Variants in GPHN observed in about 807,000 individuals in gnomAD.
The protein encoded by GPHN is gephyrin.
Under a neutral mutation model 95.5 loss-of-function variants are expected in GPHN, and 17 were observed. The ratio of observed to expected loss-of-function variants is 0.18; its 90% CI spans 0.12 to 0.27. GPHN has a LOEUF of 0.27. GPHN is among the 10% of genes least tolerant of loss of function. The pLI is 1.00. For missense variants in GPHN, 660 were observed against 978.1 expected (o/e 0.67, Z 4.34); for synonymous variants, 320 against 322.5 (o/e 0.99, Z 0.08).
At chr14:66,530,720 C>G (rs2058888829) in intron 1 of GPHN, among the ~76,000 whole-genome samples, 1 of 152,054 alleles carries the variant, frequency 6.6e-6, no homozygotes, top group East Asian at 1.9e-4. Flanking sequence ...TGGGAATTCC[C>G]TGACCCTTTG....
chr14:66,923,087 CTA>C, intron 7 of GPHN, 149 bp downstream of exon 7: 1 of 707,230 alleles, frequency 1.4e-6, no homozygotes, highest in South Asian at 1.5e-5. Context: ...CACTCCACTA[CTA>C]TGTTTCCTTC....
At chr14:67,312,551 T>C in the GPHN span, 1 of 1,596,208 alleles carries the variant, frequency 6.3e-7, no homozygotes, top group Admixed American at 1.7e-5. Context: ...TCATTTTGAC[T>C]ATGACCCCTC....
intron 2 of GPHN, among the ~76,000 whole-genome samples, chr14:66,731,194 G>C (rs1230003236): frequency 6.6e-6 from 1 of 152,186 alleles, no homozygotes; most frequent in Non-Finnish European, 1.5e-5. Context: ...CTTTATAGCA[G>C]TGTGAGAACA....
At chr14:67,279,552 A>G in the GPHN span, 1 of 1,509,546 alleles carries the variant, frequency 6.6e-7, no homozygotes, top group African/African-American at 1.4e-5. Context: ...GTAAAAATAG[A>G]GGTATAACAG....
chr14:67,422,205 T>C, the GPHN span, among the ~76,000 whole-genome samples: 1 of 152,000 alleles, frequency 6.6e-6, no homozygotes, highest in Non-Finnish European at 1.5e-5. Flanking sequence ...TAGGGACCAC[T>C]CCTATAGCTT....
intron 9 of GPHN, among the ~76,000 whole-genome samples, chr14:66,998,642 A>G (rs1435992116): frequency 6.6e-6 from 1 of 151,980 alleles, no homozygotes; most frequent in Non-Finnish European, 1.5e-5. Context: ...CCTTACATTT[A>G]CATCATCATC....
the GPHN span, chr14:67,725,261 T>G: frequency 6.2e-7 from 1 of 1,612,610 alleles, no homozygotes; most frequent in South Asian, 1.1e-5. Context: ...GCAGGTGAGG[T>G]CCTGATGGGT....
the GPHN span, chr14:67,690,850 CT>C: frequency 2.4e-6 from 1 of 412,840 alleles, no homozygotes; most frequent in Admixed American, 4.0e-5. Flanking sequence ...ATACCTGATG[CT>C]GGCCACAAGG....
chr14:67,400,556 A>G, the GPHN span, among the ~76,000 whole-genome samples: 1 of 152,202 alleles, frequency 6.6e-6, no homozygotes, highest in South Asian at 2.1e-4. Flanking sequence ...CACTAGCAGG[A>G]CTGGTCTGGG....
At chr14:67,524,525 A>G in the GPHN span, among the ~76,000 whole-genome samples, 8 of 152,162 alleles carry the variant, frequency 5.3e-5, no homozygotes, top group East Asian at 1.5e-3. Flanking sequence ...TCCCACCCAG[A>G]ACCTCCTGCA....
chr14:67,504,419 C>T, the GPHN span, among the ~76,000 whole-genome samples: 110,662 of 152,076 alleles, frequency 0.73, 42,092 homozygotes, highest in Non-Finnish European at 0.85. Flanking sequence ...TTATAAGCTA[C>T]CAATAAATGT....
intron 4 of GPHN, among the ~76,000 whole-genome samples, chr14:66,843,180 T>C (rs1181434224): frequency 6.6e-6 from 1 of 152,122 alleles, no homozygotes; most frequent in Non-Finnish European, 1.5e-5. Flanking sequence ...TGCTGAATGA[T>C]TTGCATTCTT....
intron 1 of GPHN, among the ~76,000 whole-genome samples, chr14:66,508,892 T>C (rs1327875356): frequency 6.6e-6 from 1 of 152,034 alleles, no homozygotes; most frequent in East Asian, 1.9e-4. Context: ...GCTGCGGGGC[T>C]CCGCGCTGTC....
intron 2 of GPHN, among the ~76,000 whole-genome samples, chr14:66,710,066 T>A (rs1182551199): frequency 6.6e-6 from 1 of 152,196 alleles, no homozygotes; most frequent in South Asian, 2.1e-4. Flanking sequence ...GTTGTACTTA[T>A]AAAGATGATT....
the GPHN span, among the ~76,000 whole-genome samples, chr14:67,718,508 C>T: frequency 6.6e-6 from 1 of 152,304 alleles, no homozygotes; most frequent in East Asian, 1.9e-4. Flanking sequence ...CCACACATCC[C>T]TGCCTCAGTG....
intron 9 of GPHN, chr14:66,969,880 A>T (rs2069626874): frequency 6.6e-6 from 1 of 151,958 alleles, no homozygotes; most frequent in African/African-American, 2.4e-5. Flanking sequence ...AGCAAAAAAT[A>T]AAAATTTTTC....
At chr14:67,208,525 T>C in the GPHN span, 4 of 1,442,850 alleles carry the variant, frequency 2.8e-6, no homozygotes, top group East Asian at 7.0e-5. Flanking sequence ...TTTAGTCTCT[T>C]AACTCAGGCA....
At chr14:67,436,271 G>T in the GPHN span, among the ~76,000 whole-genome samples, 1 of 152,224 alleles carries the variant, frequency 6.6e-6, no homozygotes, top group South Asian at 2.1e-4. Flanking sequence ...CTGTGTGGGA[G>T]GGGAGAGTTC....
the GPHN span, chr14:67,651,451 A>G: frequency 1.9e-6 from 3 of 1,613,926 alleles, no homozygotes; most frequent in Middle Eastern, 1.6e-4. Context: ...GTAAGATGAT[A>G]ATGGAAAGCA....
Sources: allele counts gnomAD v4.1 joint callset (sites outside exome capture counted in the v4.1 genomes callset), GRCh38; gene constraint gnomAD v4.1.1; transcripts MANE v1.5; gene names NCBI Gene and HGNC (gene_info 2026-07-23, HGNC 2026-07-21).